SCAPER: variants seen among roughly 807,000 people sequenced by gnomAD.
SCAPER encodes S phase cyclin A-associated protein in the endoplasmic reticulum.
SCAPER carries 98 observed loss-of-function variants against 182.2 expected under a neutral mutation model. That is an observed-to-expected ratio of 0.54 (90% CI 0.46 to 0.64). The LOEUF is 0.64. SCAPER is among the 30% of genes least tolerant of loss of function. The probability of loss-of-function intolerance (pLI) is 0.00; values close to 1 mark genes in which losing one functional copy is unlikely to be tolerated. For missense variants in SCAPER, 1,432 were observed against 1,690.0 expected (o/e 0.85, Z 2.68); for synonymous variants, 605 against 564.6 (o/e 1.07, Z -1.01).
At chr15:76,490,007 T>C (rs906715710) in intron 24 of SCAPER, among the ~76,000 whole-genome samples, 1 of 152,208 alleles carries the variant, frequency 6.6e-6, no homozygotes, top group African/African-American at 2.4e-5. Flanking sequence ...AATATTCCAT[T>C]GTATGTGTAT....
intron 25 of SCAPER, among the ~76,000 whole-genome samples, chr15:76,446,528 A>T (rs1273559169): frequency 6.6e-6 from 1 of 152,176 alleles, no homozygotes; most frequent in Non-Finnish European, 1.5e-5. Flanking sequence ...AGTATCTATT[A>T]TTTTCTCATA....
At position 76,702,904 on chromosome 15, in the gene SCAPER, G is replaced by T. The variant is rs368704515; in HGVS notation, c.2346C>A (p.Ala782=). ...TTCTTTCATAAGGGGTCAGTTTGGGGGCATAATCAGTATTTGCATGTCGCC... is the reference window on the plus strand; with the variant it reads ...TTCTTTCATAAGGGGTCAGTTTGGGTGCATAATCAGTATTTGCATGTCGCC... ...SSGRHANTDY[A]PKLTPYERKK... is the part of the protein sequence containing the mutation. The change falls in exon 19 of 32, where the codon GCC becomes GCA. Residue 782 remains alanine (A), a synonymous_variant. Coordinates refer to ENST00000563290, the MANE Select transcript of SCAPER (RefSeq NM_020843.4). 9.5e-5 allele frequency: 153 copies of T among 1,610,658 alleles called. No individual in the cohort carries two copies. The African/African-American group carries it at 2.0e-3, about 21-fold the overall frequency.
chr15:76,522,818 T>G (rs2042928993), intron 23 of SCAPER, among the ~76,000 whole-genome samples: 1 of 152,084 alleles, frequency 6.6e-6, no homozygotes, highest in Non-Finnish European at 1.5e-5. Flanking sequence ...AGTCATAAAA[T>G]TATGTATAAA....
intron 23 of SCAPER, among the ~76,000 whole-genome samples, chr15:76,536,764 G>A (rs969715454): frequency 1.3e-5 from 2 of 152,126 alleles, no homozygotes; most frequent in African/African-American, 4.8e-5. Context: ...TAGGAAAAGA[G>A]GAAGTCAAAT....
intron 15 of SCAPER, among the ~76,000 whole-genome samples, chr15:76,739,820 G>GT: frequency 6.6e-6 from 1 of 152,264 alleles, no homozygotes; most frequent in Middle Eastern, 3.4e-3. Flanking sequence ...CACTATCACA[G>GT]AATTACTTAA....
intron 5 of SCAPER, among the ~76,000 whole-genome samples, chr15:76,828,060 G>A (rs2068154724): frequency 6.6e-6 from 1 of 151,990 alleles, no homozygotes; most frequent in African/African-American, 2.4e-5. Context: ...GAGAAAGAGA[G>A]GCCTGAGCTA....
At chr15:76,794,573 T>A (rs1019315772) in intron 8 of SCAPER, among the ~76,000 whole-genome samples, 2 of 152,240 alleles carry the variant, frequency 1.3e-5, no homozygotes, top group African/African-American at 4.8e-5. Context: ...AATAAAACAT[T>A]TCTTTCTGAA....
In SCAPER at chr15:76,618,999, T is replaced by C. The variant is rs533077462; in HGVS notation, c.2711+2765A>G. On this transcript the variant is annotated intron_variant, in intron 22 of 31. Transcript: ENST00000563290. ...AGCTGGGATTACAGGTGCACACCAC[T>C]ATGCCCAGCTAGTTTTTGTATTTTT... Among the ~76,000 whole-genome samples, 262 of 152,264 alleles carry C rather than the reference T, an allele frequency of 1.7e-3. 9 individuals carry two copies. In the South Asian group the frequency reaches 0.038, roughly 22 times the overall value.
chr15:76,433,040 A>G (rs1228721504), intron 26 of SCAPER, among the ~76,000 whole-genome samples: 4 of 152,362 alleles, frequency 2.6e-5, no homozygotes, highest in Middle Eastern at 3.4e-3. Context: ...GTATTATACT[A>G]TAATGGGTAC....
At chr15:76,382,573 T>G (rs1174994073) in intron 27 of SCAPER, among the ~76,000 whole-genome samples, 1 of 151,996 alleles carries the variant, frequency 6.6e-6, no homozygotes, top group Non-Finnish European at 1.5e-5. Context: ...CTGCCAAGCA[T>G]TCACCCTTTT....
At chr15:76,874,758 A>T (rs2073025200) in intron 2 of SCAPER, among the ~76,000 whole-genome samples, 1 of 152,084 alleles carries the variant, frequency 6.6e-6, no homozygotes, top group Non-Finnish European at 1.5e-5. Context: ...AGAGTTCAAG[A>T]CCAGACTGGA....
intron 7 of SCAPER, chr15:76,797,736 A>G (rs528986942): frequency 6.6e-6 from 1 of 152,338 alleles, no homozygotes; most frequent in Non-Finnish European, 1.5e-5. Context: ...TTGTATAGCT[A>G]CATACAACAT....
chr15:76,570,271 T>C (rs572391760), intron 23 of SCAPER, among the ~76,000 whole-genome samples: 3 of 152,082 alleles, frequency 2.0e-5, no homozygotes, highest in Non-Finnish European at 4.4e-5. Context: ...AACCAAAACA[T>C]GAGTTTTTTT....
chr15:76,624,102 A>G (rs2052354507), intron 21 of SCAPER, among the ~76,000 whole-genome samples: 1 of 152,240 alleles, frequency 6.6e-6, no homozygotes, highest in South Asian at 2.1e-4. Context: ...AATAAGTCAA[A>G]TTATCTCTCT....
At chr15:76,639,707 T>A (rs2053946434) in intron 21 of SCAPER, among the ~76,000 whole-genome samples, 1 of 145,298 alleles carries the variant, frequency 6.9e-6, no homozygotes, top group East Asian at 2.1e-4. Flanking sequence ...CCACCTCTCA[T>A]ACAACCTATT....
intron 10 of SCAPER, among the ~76,000 whole-genome samples, chr15:76,767,315 A>C (rs1598607631): frequency 6.6e-6 from 1 of 152,170 alleles, no homozygotes; most frequent in African/African-American, 2.4e-5. Context: ...ACAATAATCA[A>C]TGACTTGCCT....
At chr15:76,588,758 A>G (rs1035851593) in intron 22 of SCAPER, among the ~76,000 whole-genome samples, 6 of 152,318 alleles carry the variant, frequency 3.9e-5, no homozygotes, top group Middle Eastern at 3.4e-3. Context: ...TTCAAGATTT[A>G]GAACTCCTTG....
Position 76,774,979 on chromosome 15 carries a change from C to T in SCAPER, c.911G>A (p.Cys304Tyr), listed in dbSNP as rs565435516. Residue 304 changes from cysteine to tyrosine, a missense_variant, in exon 9 of 32, where the codon TGT becomes TAT. Physicochemically the swap from Cys to Tyr is radical, Grantham distance 194. Coordinates refer to ENST00000563290, the MANE Select transcript of SCAPER (RefSeq NM_020843.4). ...CTGTATGCTTTCATCAGGTAAAAGA[C>T]ATACATTTTCTTTATCACTGTCATC... The part of the protein sequence containing the change: ...SKDDSDKENV[C>Y]LLPDESIQKG... The T allele has an allele frequency of 1.2e-6, 2 of 1,613,778 alleles. No individual in the cohort carries two copies. Among genetic ancestry groups the T allele is most frequent in the Admixed American group, 1.7e-5 (1 of 60,010 alleles).
At chr15:76,664,926 G>C (rs566081503) in intron 21 of SCAPER, among the ~76,000 whole-genome samples, 5 of 152,108 alleles carry the variant, frequency 3.3e-5, no homozygotes, top group Non-Finnish European at 7.4e-5. Flanking sequence ...ATTATTGTAC[G>C]TTCTATATTC....
Sources: allele counts gnomAD v4.1 joint callset (sites outside exome capture counted in the v4.1 genomes callset), GRCh38; gene constraint gnomAD v4.1.1; transcripts MANE v1.5; gene names NCBI Gene and HGNC (gene_info 2026-07-23, HGNC 2026-07-21).